The following DCC variants were observed in gnomAD, a reference collection of about 807,000 sequenced individuals.
DCC encodes DCC netrin 1 receptor, also known as netrin receptor DCC.
A neutral mutation model predicts 172.5 loss-of-function variants in DCC; 58 were observed. The observed-to-expected ratio is 0.34, with a 90% CI of 0.27 to 0.42. The LOEUF (loss-of-function observed/expected upper bound fraction) is 0.42, where lower values mean the gene tolerates loss of function less well. DCC is among the 10% of genes least tolerant of loss of function. DCC has a pLI of 1.00. For synonymous variants in DCC, 709 were observed against 644.5 expected (o/e 1.10, Z -1.52); for missense variants, 1,740 against 1,791.0 (o/e 0.97, Z 0.51).
intron 1 of DCC, among the ~76,000 whole-genome samples, chr18:52,609,511 C>T (rs943920029): frequency 3.9e-5 from 6 of 151,968 alleles, no homozygotes; most frequent in African/African-American, 1.5e-4. Flanking sequence ...GCAGCTTCTT[C>T]GTTGGATGGA....
intron 5 of DCC, 112 bp downstream of exon 5, chr18:52,925,482 A>C (rs1422477944): frequency 9.2e-7 from 1 of 1,082,942 alleles, no homozygotes; most frequent in African/African-American, 1.5e-5. Context: ...TGAAATTGCA[A>C]AGTCCCAATA....
At chr18:52,780,380 C>A (rs1384632356) in intron 2 of DCC, among the ~76,000 whole-genome samples, 1 of 152,006 alleles carries the variant, frequency 6.6e-6, no homozygotes, top group Non-Finnish European at 1.5e-5. Context: ...AGATATCTTT[C>A]AAAATATATA....
At chr18:53,059,090 G>C (rs2042456635) in intron 5 of DCC, among the ~76,000 whole-genome samples, 1 of 152,110 alleles carries the variant, frequency 6.6e-6, no homozygotes, top group Non-Finnish European at 1.5e-5. Flanking sequence ...GCAGCAAGGA[G>C]AAGTGTGGAG....
chr18:52,730,521 A>G (rs1239250570), intron 1 of DCC, among the ~76,000 whole-genome samples: 1 of 152,202 alleles, frequency 6.6e-6, no homozygotes, highest in Non-Finnish European at 1.5e-5. Flanking sequence ...AAGTATGTGA[A>G]CTATTGCAGA....
intron 1 of DCC, among the ~76,000 whole-genome samples, chr18:52,483,238 CATAT>C (rs1176488496): frequency 6.6e-6 from 1 of 152,122 alleles, no homozygotes; most frequent in Non-Finnish European, 1.5e-5. Context: ...TTCTTAATTA[CATAT>C]GCAATGACTG....
chr18:52,594,885 C>A (rs2033874448), intron 1 of DCC, among the ~76,000 whole-genome samples: 1 of 152,336 alleles, frequency 6.6e-6, no homozygotes, highest in Admixed American at 6.5e-5. Context: ...CCACCAGGCC[C>A]ACCTCCAACA....
At chr18:52,500,935 TGACACGTG>T (rs2030993956) in intron 1 of DCC, among the ~76,000 whole-genome samples, 1 of 152,172 alleles carries the variant, frequency 6.6e-6, no homozygotes, top group African/African-American at 2.4e-5. Flanking sequence ...ACCAAGTAAT[TGACACGTG>T]GACATATAAG....
chr18:52,981,752 A>T (rs1222833447), intron 5 of DCC, among the ~76,000 whole-genome samples: 1 of 152,152 alleles, frequency 6.6e-6, no homozygotes, highest in Non-Finnish European at 1.5e-5. Flanking sequence ...AAACATGTAA[A>T]TTTACATTTT....
intron 7 of DCC, among the ~76,000 whole-genome samples, chr18:53,130,242 T>A (rs1465923622): frequency 6.6e-6 from 1 of 152,134 alleles, no homozygotes; most frequent in Non-Finnish European, 1.5e-5. Context: ...AACAACCAGG[T>A]GACCATCTGG....
At chr18:52,793,341 G>C (rs2037812479) in intron 2 of DCC, among the ~76,000 whole-genome samples, 1 of 152,146 alleles carries the variant, frequency 6.6e-6, no homozygotes, top group Admixed American at 6.5e-5. Context: ...CAAGCTCCCA[G>C]CTTGCTTGTC....
At chr18:53,205,079 T>G (rs1156393877) in intron 9 of DCC, 137 bp from the exon 10 acceptor site, 28 of 695,094 alleles carry the variant, frequency 4.0e-5, no homozygotes, top group Non-Finnish European at 9.9e-6. Context: ...ATTTTTATAT[T>G]CTTATTCCAT....
chr18:53,449,542 T>C (rs987127689), intron 22 of DCC, among the ~76,000 whole-genome samples: 2 of 152,210 alleles, frequency 1.3e-5, no homozygotes, highest in Non-Finnish European at 2.9e-5. Context: ...AATTGCTTTA[T>C]AGATGGCATC....
intron 1 of DCC, among the ~76,000 whole-genome samples, chr18:52,657,335 C>T (rs965267268): frequency 2.6e-5 from 4 of 152,178 alleles, no homozygotes; most frequent in East Asian, 1.9e-4. Flanking sequence ...TGCTGAGCTT[C>T]GCCACATGGC....
chr18:52,713,882 C>G (rs926456443), intron 1 of DCC, among the ~76,000 whole-genome samples: 1 of 151,994 alleles, frequency 6.6e-6, no homozygotes, highest in Admixed American at 6.6e-5. Flanking sequence ...CAGGGCAGAC[C>G]AAAAGTACAA....
In DCC at chr18:53,524,670, A is replaced by C. The variant is rs142148991; in HGVS notation, c.4112-1947A>C. Among the ~76,000 whole-genome samples the C allele has an allele frequency of 3.9e-5, 6 of 152,156 alleles. No individual in the cohort carries two copies. The East Asian group carries it at 7.7e-4, about 20-fold the overall frequency. ...CAGTTATGAGAAACAATGATAAAAA[A>C]TGAGCTTTTATCCCCAGATTTATAG... On this transcript the variant is annotated intron_variant, in intron 27 of 28. Coordinates refer to ENST00000442544, the MANE Select transcript of DCC (RefSeq NM_005215.4).
At chr18:53,345,570 A>G (rs577362401) in intron 15 of DCC, among the ~76,000 whole-genome samples, 17 of 152,256 alleles carry the variant, frequency 1.1e-4, no homozygotes, top group African/African-American at 4.1e-4. Flanking sequence ...TATGCTTTTC[A>G]TTTGTACCTG....
At chr18:53,468,683 T>A (rs1448975240) in intron 25 of DCC, among the ~76,000 whole-genome samples, 1 of 152,078 alleles carries the variant, frequency 6.6e-6, no homozygotes, top group Non-Finnish European at 1.5e-5. Flanking sequence ...GCACCCATCC[T>A]CCATAGCTTT....
intron 25 of DCC, among the ~76,000 whole-genome samples, chr18:53,481,935 T>C (rs962260957): frequency 2.0e-5 from 3 of 152,176 alleles, no homozygotes; most frequent in African/African-American, 4.8e-5. Context: ...AGAACAGATT[T>C]CTTGTCATAT....
intron 5 of DCC, among the ~76,000 whole-genome samples, chr18:53,025,377 A>G (rs2143937569): frequency 6.6e-6 from 1 of 152,282 alleles, no homozygotes; most frequent in East Asian, 1.9e-4. Flanking sequence ...GAGTATACCT[A>G]AAATGGAAGA....
Sources: gnomAD v4.1 joint callset for allele counts (sites outside exome capture counted in the v4.1 genomes callset) on GRCh38, gnomAD v4.1.1 for gene constraint, MANE v1.5 for transcripts, NCBI Gene and HGNC (gene_info 2026-07-23, HGNC 2026-07-21) for gene names.